Variants in MYO5A observed in about 807,000 individuals in gnomAD.
The protein encoded by MYO5A is myosin VA.
A neutral mutation model predicts 249.7 loss-of-function variants in MYO5A; 98 were observed. The ratio of observed to expected loss-of-function variants is 0.39; its 90% CI spans 0.33 to 0.46. The LOEUF is 0.46. Ranked by LOEUF, MYO5A falls within the 20% of genes least tolerant of loss-of-function variation. MYO5A has a pLI of 0.98. For missense variants in MYO5A, 1,696 were observed against 2,308.8 expected, an observed-to-expected ratio of 0.73 and a Z score of 5.44; for synonymous variants, 778 against 810.6, an observed-to-expected ratio of 0.96 and a Z score of 0.68.
chr15:52,464,598 T>C (rs941727012), intron 1 of MYO5A, among the ~76,000 whole-genome samples: 4 of 152,184 alleles, frequency 2.6e-5, no homozygotes, highest in African/African-American at 9.7e-5. Context: ...GAACAATGTT[T>C]GGTAACTAGC....
At chr15:52,443,172 T>C (rs1309471444) in intron 1 of MYO5A, among the ~76,000 whole-genome samples, 1 of 152,160 alleles carries the variant, frequency 6.6e-6, no homozygotes, top group Non-Finnish European at 1.5e-5. Context: ...GAATGTCTCA[T>C]CTAAGACAAC....
At chr15:52,488,476 T>TATCAAA (rs1477870588) in intron 1 of MYO5A, among the ~76,000 whole-genome samples, 2 of 152,194 alleles carry the variant, frequency 1.3e-5, no homozygotes, top group Non-Finnish European at 1.5e-5. Flanking sequence ...CAATTACAAA[T>TATCAAA]ATCAAAATTC....
chr15:52,336,589 A>C, intron 33 of MYO5A, 33 bp from the exon 34 acceptor site: 1 of 1,470,596 alleles, frequency 6.8e-7, no homozygotes, highest in Non-Finnish European at 9.4e-7. Flanking sequence ...TATTAGAAAA[A>C]TCGAAACAGG....
intron 1 of MYO5A, among the ~76,000 whole-genome samples, chr15:52,501,493 G>A (rs910973352): frequency 6.6e-6 from 1 of 151,980 alleles, no homozygotes; most frequent in Non-Finnish European, 1.5e-5. Flanking sequence ...CAGCTGCTTG[G>A]GAGACTGAGG....
chr15:52,420,213 G>C (rs1472650169), intron 4 of MYO5A, among the ~76,000 whole-genome samples: 3 of 151,922 alleles, frequency 2.0e-5, no homozygotes, highest in African/African-American at 7.3e-5. Context: ...GCTGAGGTGG[G>C]AGGATCACTT....
chr15:52,485,049 C>CT (rs1476496631), intron 1 of MYO5A, among the ~76,000 whole-genome samples: 6 of 152,044 alleles, frequency 3.9e-5, no homozygotes, highest in African/African-American at 9.7e-5. Flanking sequence ...AGTAAACTGT[C>CT]TGTTCTTTTG....
In MYO5A at chr15:52,331,984, GT is replaced by G. The variant is rs1040520978; in HGVS notation, c.4409-1486del. The G allele has an allele frequency of 7.8e-6, 5 of 638,730 alleles. No individual in the cohort carries two copies. The African/African-American group carries it at 9.9e-5, about 13-fold the overall frequency. 39.6% of individuals were successfully genotyped at this position (638,730 alleles called of 1,614,324 possible). A position where few individuals can be genotyped will look rare whatever the true frequency, so the allele number is the denominator to read the frequency against. ...TGCAAGAGAAAAGGAGACTCAAACTGTTTGGTTTTACATAATTTCTGGTGTC... is the reference window on the plus strand; with the variant it reads ...TGCAAGAGAAAAGGAGACTCAAACTGTTGGTTTTACATAATTTCTGGTGTC... On this transcript the variant is annotated intron_variant, in intron 34 of 41. Coordinates refer to ENST00000399233, the MANE Select transcript of MYO5A (RefSeq NM_001382347.1).
chr15:52,513,223 G>A (rs925148878), intron 1 of MYO5A, among the ~76,000 whole-genome samples: 1 of 151,742 alleles, frequency 6.6e-6, no homozygotes, highest in African/African-American at 2.4e-5. Context: ...CTGAGGTCAG[G>A]GGTTCAACAC....
intron 1 of MYO5A, among the ~76,000 whole-genome samples, chr15:52,459,147 ATTTTTTTTTTTTT>A (rs531798708): frequency 2.6e-4 from 17 of 64,252 alleles, no homozygotes; most frequent in Non-Finnish European, 3.0e-4. Context: ...TTTTCCAGAA[ATTTTTTTTTTTTT>A]TTTTTTTTTT....
intron 16 of MYO5A, among the ~76,000 whole-genome samples, chr15:52,382,382 G>A (rs1596379727): frequency 6.6e-6 from 1 of 152,204 alleles, no homozygotes; most frequent in African/African-American, 2.4e-5. Flanking sequence ...GACCAGCCTG[G>A]CCAAGATGAT....
At chr15:52,469,486 G>A (rs1349217410) in intron 1 of MYO5A, among the ~76,000 whole-genome samples, 1 of 152,174 alleles carries the variant, frequency 6.6e-6, no homozygotes, top group African/African-American at 2.4e-5. Flanking sequence ...GGCTGAGGAG[G>A]AGGAGGAAGA....
At chr15:52,417,885 C>G (rs2043586511) in intron 4 of MYO5A, among the ~76,000 whole-genome samples, 1 of 152,142 alleles carries the variant, frequency 6.6e-6, no homozygotes, top group South Asian at 2.1e-4. Flanking sequence ...CTGTGGTATT[C>G]TGTTATAGCA....
At chr15:52,369,865 C>G (rs930736436) in intron 22 of MYO5A, among the ~76,000 whole-genome samples, 1 of 126,898 alleles carries the variant, frequency 7.9e-6, no homozygotes, top group Non-Finnish European at 1.6e-5. Flanking sequence ...ATGCCCCAGA[C>G]TGACTTTTTT....
At chr15:52,362,057 G>A (rs914051897) in intron 24 of MYO5A, among the ~76,000 whole-genome samples, 3 of 152,132 alleles carry the variant, frequency 2.0e-5, no homozygotes, top group Non-Finnish European at 4.4e-5. Context: ...GCCCTGGATT[G>A]GTCCTTCCTC....
intron 1 of MYO5A, among the ~76,000 whole-genome samples, chr15:52,487,776 G>C (rs1179676720): frequency 6.6e-6 from 1 of 150,390 alleles, no homozygotes; most frequent in Non-Finnish European, 1.5e-5. Context: ...TTTCAATTTT[G>C]CATTATCCTT....
At position 52,346,695 on chromosome 15, in the gene MYO5A, T is replaced by C. The variant is rs977461174; in HGVS notation, c.3859-234A>G. On this transcript the variant is annotated intron_variant, in intron 29 of 41. Transcript: ENST00000399233. ...AAACACTAGCACTCTGCTACAAAGG[T>C]GGGAAGATTCTACAATGTCACGGCC... 43 of 608,196 alleles carry C rather than the reference T, an allele frequency of 7.1e-5. No homozygotes were observed. In the Admixed American group the frequency reaches 9.2e-4, roughly 13 times the overall value. 37.7% of individuals were successfully genotyped at this position (608,196 alleles called of 1,614,324 possible). A position where few individuals can be genotyped will look rare whatever the true frequency, so the allele number is the denominator to read the frequency against.
intron 1 of MYO5A, among the ~76,000 whole-genome samples, chr15:52,475,030 G>C (rs1001700727): frequency 6.6e-6 from 1 of 152,072 alleles, no homozygotes; most frequent in Non-Finnish European, 1.5e-5. Flanking sequence ...ACTTTTTTTG[G>C]TTGGTAGGCT....
intron 1 of MYO5A, among the ~76,000 whole-genome samples, chr15:52,515,192 T>A (rs2077471459): frequency 6.6e-6 from 1 of 151,298 alleles, no homozygotes; most frequent in South Asian, 2.1e-4. Context: ...GCAGAAGGAT[T>A]AGTTAGCTCA....
chr15:52,374,928 GT>G (rs1177835895), intron 20 of MYO5A, among the ~76,000 whole-genome samples: 81 of 152,110 alleles, frequency 5.3e-4, no homozygotes, highest in Non-Finnish European at 9.0e-4. Context: ...GGAGGTAAAA[GT>G]TTTTTTCCCA....
Sources: gnomAD v4.1 joint callset for allele counts (sites outside exome capture counted in the v4.1 genomes callset) on GRCh38, gnomAD v4.1.1 for gene constraint, MANE v1.5 for transcripts, NCBI Gene and HGNC (gene_info 2026-07-23, HGNC 2026-07-21) for gene names.